The following SEPTIN6 variants were observed in gnomAD, a reference collection of about 807,000 sequenced individuals.
The protein encoded by SEPTIN6 is septin-6.
SEPTIN6 carries 8 observed loss-of-function variants against 33.6 expected under a neutral mutation model. The ratio of observed to expected loss-of-function variants is 0.24; its 90% CI spans 0.14 to 0.43. The LOEUF (loss-of-function observed/expected upper bound fraction) is 0.43, where lower values mean the gene tolerates loss of function less well. Among genes scored for constraint, SEPTIN6 ranks in the 20% least tolerant of loss-of-function variants. SEPTIN6 has a pLI of 1.00. For missense variants in SEPTIN6, 250 were observed against 340.8 expected, an observed-to-expected ratio of 0.73 and a Z score of 2.10; for synonymous variants, 131 against 140.0, an observed-to-expected ratio of 0.94 and a Z score of 0.45.
chrX:119,617,048 C>T lies in SEPTIN6; in HGVS notation c.*3045G>A. On this transcript the variant is annotated 3_prime_UTR_variant, in exon 11 of 11. Coordinates refer to ENST00000394610, the MANE Select transcript of SEPTIN6 (RefSeq NM_145799.4). ...ACAAAAACAAGAGCCATCTACACTG[C>T]AGCTAGGGAAAGCAAACTTCTTGGC... 1 of 940,970 alleles carries T rather than the reference C, an allele frequency of 1.1e-6. No homozygotes were observed. Among genetic ancestry groups the T allele is most frequent in the South Asian group, 3.4e-5 (1 of 29,395 alleles). 77.5% of individuals were successfully genotyped at this position (940,970 alleles called of 1,213,427 possible). A position where few individuals can be genotyped will look rare whatever the true frequency, so the allele number is the denominator to read the frequency against.
At chrX:119,673,213 GA>G (rs2054776296) in intron 2 of SEPTIN6, among the ~76,000 whole-genome samples, 1 of 111,000 alleles carries the variant, frequency 9.0e-6, no homozygotes, top group African/African-American at 3.3e-5. Context: ...TCATCTCTAC[GA>G]AAAAAATGAG....
At position 119,618,760 on chromosome X, in the gene SEPTIN6, T is replaced by C. The variant is rs1390490343; in HGVS notation, c.*1333A>G. The C allele has an allele frequency of 8.3e-7, 1 of 1,207,401 alleles. No individual in the cohort carries two copies. The highest frequency in any genetic ancestry group is 1.8e-5 in the African/African-American group (1 of 57,083). ...AGTCCAGTCCAGCTGTAGCGGGGAA[T>C]ACTATTCAGTACACAGCCATGGATT... On this transcript the variant is annotated 3_prime_UTR_variant, in exon 11 of 11. Transcript: ENST00000394610.
At chrX:119,657,619 T>C (rs1040517505) in intron 3 of SEPTIN6, among the ~76,000 whole-genome samples, 5 of 111,413 alleles carry the variant, frequency 4.5e-5, no homozygotes, top group Non-Finnish European at 7.5e-5. Flanking sequence ...CTCAAGCGAT[T>C]CTCCTGCCTC....
At chrX:119,631,115 G>C (rs779603069) in intron 8 of SEPTIN6, among the ~76,000 whole-genome samples, 1 of 110,622 alleles carries the variant, frequency 9.0e-6, no homozygotes, top group Admixed American at 9.6e-5. Context: ...GGGGGTATTT[G>C]GCACTGTCAC....
intron 2 of SEPTIN6, among the ~76,000 whole-genome samples, chrX:119,669,182 C>T (rs1024562560): frequency 8.8e-6 from 1 of 113,187 alleles, no homozygotes; most frequent in East Asian, 2.8e-4. Flanking sequence ...CCAGGCAGGC[C>T]GACGCTGGAG....
chrX:119,672,276 G>C (rs1434609159), intron 2 of SEPTIN6, among the ~76,000 whole-genome samples: 1 of 111,147 alleles, frequency 9.0e-6, no homozygotes, highest in Non-Finnish European at 1.9e-5. Context: ...CCTCTTGGAG[G>C]GTCTGTGCTG....
chrX:119,639,970 A>T (rs867842103), intron 6 of SEPTIN6, among the ~76,000 whole-genome samples: 1 of 96,951 alleles, frequency 1.0e-5, no homozygotes, highest in East Asian at 3.2e-4. Flanking sequence ...TACCTGACTA[A>T]TTTTTTTTTT....
chrX:119,625,846 T>C (rs2053849561), intron 9 of SEPTIN6, among the ~76,000 whole-genome samples: 1 of 111,895 alleles, frequency 8.9e-6, no homozygotes, highest in African/African-American at 3.2e-5. Flanking sequence ...CCACCACGGC[T>C]GGCCAGTACT....
At position 119,653,004 on chromosome X, in the gene SEPTIN6, G is replaced by A. The variant is rs2054375596; in HGVS notation, c.378C>T (p.Phe126=). The A allele has an allele frequency of 2.2e-5, 27 of 1,207,960 alleles. No homozygotes were observed. The highest frequency in any genetic ancestry group is 2.8e-5 in the Non-Finnish European group (25 of 894,263). ...TTAGCTCTTCCTGCAGGTAGGCCTC[G>A]AATTGTGCATCGATGAATTCCACGA... ...KPIVEFIDAQ[F]EAYLQEELKI... Residue 126 remains phenylalanine (F), a synonymous_variant, in exon 4 of 11, where the codon TTC becomes TTT. Transcript: ENST00000394610.
rs141623445 is a variant in SEPTIN6, at chrX:119,652,166, C to T, written c.528+688G>A. Among the ~76,000 whole-genome samples the T allele has an allele frequency of 1.1e-4, 12 of 112,109 alleles. No individual in the cohort carries two copies. The East Asian group carries it at 1.4e-3, about 13-fold the overall frequency. Reference sequence around the variant, plus strand: ...CTCGAACTCCTGACCTCAGATGACCCGCCTATCTTGGCCTCCCAAAGTGCT... The same window carrying T: ...CTCGAACTCCTGACCTCAGATGACCTGCCTATCTTGGCCTCCCAAAGTGCT... On this transcript the variant is annotated intron_variant, in intron 4 of 10. Transcript: ENST00000394610.
In SEPTIN6 at chrX:119,617,269, G is replaced by T; in HGVS notation, c.*2824C>A. ...ATTTTTTTTTTAAATAGTAACAGTT[G>T]TACTAATTTAAAAGCCTTTTCATTG... On this transcript the variant is annotated 3_prime_UTR_variant, in exon 11 of 11. Coordinates refer to ENST00000394610, the MANE Select transcript of SEPTIN6 (RefSeq NM_145799.4). 2 of 803,191 alleles carry T rather than the reference G, an allele frequency of 2.5e-6. No homozygotes were observed. Among genetic ancestry groups the T allele is most frequent in the Non-Finnish European group, 3.0e-6 (2 of 668,797 alleles). The allele number at this position is 803,191 out of a possible 1,213,427, so 66.2% of individuals were successfully genotyped here.
At chrX:119,644,859 A>AT (rs200205108) in intron 5 of SEPTIN6, among the ~76,000 whole-genome samples, 2,012 of 109,998 alleles carry the variant, frequency 0.018, 43 homozygotes, top group African/African-American at 0.061. Context: ...TCAAAAAAAA[A>AT]GGGCCTTCAT....
At chrX:119,663,457 T>G (rs1277188043) in intron 3 of SEPTIN6, 25 bp downstream of exon 3, 5 of 408,386 alleles carry the variant, frequency 1.2e-5, no homozygotes, top group South Asian at 6.2e-5. Context: ...CTCCCCACCC[T>G]ACCCCACCCC....
chrX:119,636,844 C>A (rs2054069018), intron 7 of SEPTIN6, among the ~76,000 whole-genome samples, 183 bp downstream of exon 7: 2 of 110,914 alleles, frequency 1.8e-5, no homozygotes, highest in African/African-American at 6.6e-5. Context: ...GCTCTCCTGG[C>A]AGGTGTGCAG....
At chrX:119,638,288 CT>C (rs984515525) in intron 6 of SEPTIN6, among the ~76,000 whole-genome samples, 3 of 111,336 alleles carry the variant, frequency 2.7e-5, no homozygotes, top group African/African-American at 9.8e-5. Context: ...AACAAGTCCC[CT>C]CCTCAAAAGA....
chrX:119,664,193 A>G (rs1331082323), intron 2 of SEPTIN6, among the ~76,000 whole-genome samples: 5 of 111,600 alleles, frequency 4.5e-5, no homozygotes, highest in Middle Eastern at 4.6e-3. Flanking sequence ...CATCTTGGCC[A>G]GGCTGGTCTC....
chrX:119,627,707 A>G (rs962666521), intron 9 of SEPTIN6, among the ~76,000 whole-genome samples: 5 of 109,469 alleles, frequency 4.6e-5, no homozygotes, highest in African/African-American at 1.7e-4. Flanking sequence ...GAGCAACCTC[A>G]GATATAGGGC....
chrX:119,681,076 G>A (rs999768323), intron 1 of SEPTIN6, among the ~76,000 whole-genome samples: 3 of 110,907 alleles, frequency 2.7e-5, no homozygotes, highest in African/African-American at 9.8e-5. Flanking sequence ...CTTATAAGAT[G>A]TCAAGGTCAT....
At chrX:119,675,798 C>T (rs969941080) in intron 1 of SEPTIN6, 130 bp from the exon 2 acceptor site, 1 of 338,305 alleles carries the variant, frequency 3.0e-6, no homozygotes, top group East Asian at 4.7e-5. Flanking sequence ...TCTCTTCCCT[C>T]AGCTACTCCC....
Sources: allele counts gnomAD v4.1 joint callset (sites outside exome capture counted in the v4.1 genomes callset), GRCh38; gene constraint gnomAD v4.1.1; transcripts MANE v1.5; gene names NCBI Gene and HGNC (gene_info 2026-07-23, HGNC 2026-07-21).